Variants in RFX8 observed in about 807,000 individuals in gnomAD.
RFX8 encodes regulatory factor X8.
Under a neutral mutation model 54.6 loss-of-function variants are expected in RFX8, and 46 were observed. That is an observed-to-expected ratio of 0.84 (90% CI 0.67 to 1.08). RFX8 has a LOEUF of 1.08. Among genes scored for constraint, RFX8 ranks in the 50% least tolerant of loss-of-function variants. The pLI is 0.00. For missense variants in RFX8, 536 were observed against 562.3 expected (o/e 0.95, Z 0.47); for synonymous variants, 192 against 209.5 (o/e 0.92, Z 0.72).
intron 2 of RFX8, among the ~76,000 whole-genome samples, chr2:101,452,739 A>G (rs189761437): frequency 7.9e-4 from 120 of 152,230 alleles, no homozygotes; most frequent in African/African-American, 2.8e-3. Context: ...AGGCAGGCCA[A>G]TCACTTGAGG....
chr2:101,457,430 A>G (rs1410348344), intron 2 of RFX8, among the ~76,000 whole-genome samples: 1 of 152,232 alleles, frequency 6.6e-6, no homozygotes, highest in Non-Finnish European at 1.5e-5. Flanking sequence ...GGTTTCAAAA[A>G]GAACATCTCT....
intron 4 of RFX8, among the ~76,000 whole-genome samples, chr2:101,419,758 T>C (rs1686752637): frequency 6.6e-6 from 1 of 152,196 alleles, no homozygotes; most frequent in Non-Finnish European, 1.5e-5. Flanking sequence ...CCGAATTACA[T>C]GGCCACAGGC....
intron 2 of RFX8, among the ~76,000 whole-genome samples, chr2:101,429,395 G>T (rs189984614): frequency 2.0e-5 from 3 of 152,220 alleles, no homozygotes; most frequent in Non-Finnish European, 4.4e-5. Context: ...CTAAATTGAT[G>T]GATGTAGAAG....
rs192934550 is a variant in RFX8 at position 101,467,980 on chromosome 2, A to T, written c.-52-1080T>A. 4.0e-3 allele frequency among the ~76,000 whole-genome samples: 602 copies of T among 152,252 alleles called. 7 individuals carry two copies. The highest frequency in any genetic ancestry group is 0.014 in the African/African-American group (562 of 41,520). On this transcript the variant is annotated intron_variant, in intron 1 of 11. Coordinates refer to ENST00000428343, the MANE Select transcript of RFX8 (RefSeq NM_001145664.2). The stretch of plus-strand genomic sequence containing the variant: ...CTTGGCATTTGTTTTTCTAGAGAAA[A>T]ATATGGGTATTTTGCTCTAGATGGG...
intron 2 of RFX8, among the ~76,000 whole-genome samples, chr2:101,447,317 T>G (rs1317609060): frequency 6.6e-6 from 1 of 152,212 alleles, no homozygotes; most frequent in East Asian, 1.9e-4. Flanking sequence ...AATAGCTATT[T>G]CAGTGCCCAC....
At chr2:101,432,093 G>T (rs4850972) in intron 2 of RFX8, among the ~76,000 whole-genome samples, 111,761 of 152,068 alleles carry the variant, frequency 0.73, 42,549 homozygotes, top group Middle Eastern at 0.88. Context: ...ACAAAGACAT[G>T]CATTTGTTCA....
intron 1 of RFX8, among the ~76,000 whole-genome samples, chr2:101,472,465 A>G (rs146145156): frequency 5.5e-4 from 84 of 152,200 alleles, no homozygotes; most frequent in African/African-American, 8.9e-4. Flanking sequence ...GTCCTCCCCA[A>G]TGAAAAGGTG....
chr2:101,418,728 C>G, intron 5 of RFX8, 123 bp downstream of exon 5: 1 of 701,704 alleles, frequency 1.4e-6, no homozygotes, highest in South Asian at 1.5e-5. Context: ...GGTCCATACA[C>G]CCCACTATTC....
intron 7 of RFX8, among the ~76,000 whole-genome samples, chr2:101,414,108 C>T (rs1686337756): frequency 6.6e-6 from 1 of 152,178 alleles, no homozygotes; most frequent in Non-Finnish European, 1.5e-5. Context: ...TTGAAAAGGT[C>T]AGAGCTGAAG....
At chr2:101,467,001 A>G (rs1004381516) in intron 1 of RFX8, 101 bp from the exon 2 acceptor site, 6 of 647,748 alleles carry the variant, frequency 9.3e-6, no homozygotes, top group Non-Finnish European at 1.1e-5. Flanking sequence ...AGGTTCCAAT[A>G]AATGAAACAT....
intron 2 of RFX8, among the ~76,000 whole-genome samples, chr2:101,433,600 A>T (rs369936664): frequency 6.6e-6 from 1 of 152,192 alleles, no homozygotes; most frequent in South Asian, 2.1e-4. Context: ...TACAATTTGC[A>T]TTTACATTCT....
chr2:101,410,534 C>G, intron 9 of RFX8, 85 bp downstream of exon 9: 2 of 724,754 alleles, frequency 2.8e-6, no homozygotes, highest in South Asian at 3.6e-5. Context: ...CCTAAGAAGC[C>G]TCTTTCCCAT....
intron 2 of RFX8, among the ~76,000 whole-genome samples, chr2:101,444,113 T>C (rs1408570713): frequency 6.6e-6 from 1 of 152,142 alleles, no homozygotes; most frequent in Non-Finnish European, 1.5e-5. Flanking sequence ...CATGACAACA[T>C]TGGCAGAGCC....
At chr2:101,438,955 G>C (rs1687934906) in intron 2 of RFX8, among the ~76,000 whole-genome samples, 1 of 152,110 alleles carries the variant, frequency 6.6e-6, no homozygotes, top group African/African-American at 2.4e-5. Flanking sequence ...GGGATTACAG[G>C]CGCCCGCCAC....
intron 2 of RFX8, among the ~76,000 whole-genome samples, chr2:101,431,886 T>G (rs966832082): frequency 1.3e-5 from 2 of 152,054 alleles, no homozygotes; most frequent in African/African-American, 4.8e-5. Flanking sequence ...CTCATCTTTA[T>G]AGGGAAGCCT....
intron 2 of RFX8, among the ~76,000 whole-genome samples, chr2:101,463,393 G>T (rs907553951): frequency 6.6e-6 from 1 of 152,214 alleles, no homozygotes; most frequent in Non-Finnish European, 1.5e-5. Context: ...CTCCTGGTGG[G>T]CAGTGAGGGC....
chr2:101,452,195 A>C (rs1443200541), intron 2 of RFX8, among the ~76,000 whole-genome samples: 1 of 152,254 alleles, frequency 6.6e-6, no homozygotes, highest in Non-Finnish European at 1.5e-5. Flanking sequence ...CGAAGAAAAT[A>C]GAGGCCAGTG....
intron 5 of RFX8, 78 bp from the exon 6 acceptor site, chr2:101,417,762 A>T: frequency 7.9e-7 from 1 of 1,265,192 alleles, no homozygotes; most frequent in Non-Finnish European, 1.1e-6. Context: ...CCACAGGGAC[A>T]GGGCGGGTCT....
rs187287074 is a variant in RFX8, at chr2:101,405,651, G to C, written c.928+292C>G. Among the ~76,000 whole-genome samples, 426 of 152,018 alleles carry C rather than the reference G, an allele frequency of 2.8e-3. 2 individuals carry two copies. The highest frequency in any genetic ancestry group is 6.8e-3 in the Middle Eastern group (2 of 294). ...GTTCTCCATCTCAGTTGTCTCTCTCGGTGCTTTTCTCTAAATGTCACAAAG... is the reference window on the plus strand; with the variant it reads ...GTTCTCCATCTCAGTTGTCTCTCTCCGTGCTTTTCTCTAAATGTCACAAAG... On this transcript the variant is annotated intron_variant, in intron 10 of 11. Transcript: ENST00000428343.
Sources: allele counts gnomAD v4.1 joint callset (sites outside exome capture counted in the v4.1 genomes callset), GRCh38; gene constraint gnomAD v4.1.1; transcripts MANE v1.5; gene names NCBI Gene and HGNC (gene_info 2026-07-23, HGNC 2026-07-21).